EPHA5: variants seen among roughly 807,000 people sequenced by gnomAD.
EPHA5 encodes ephrin type-A receptor 5.
EPHA5 carries 60 observed loss-of-function variants against 105.0 expected under a neutral mutation model. That is an observed-to-expected ratio of 0.57 (90% confidence interval 0.46 to 0.71). EPHA5 has a LOEUF of 0.71. Among genes scored for constraint, EPHA5 ranks in the 30% least tolerant of loss-of-function variants. The probability of loss-of-function intolerance (pLI) is 0.00; values close to 1 mark genes in which losing one functional copy is unlikely to be tolerated. For synonymous variants in EPHA5, 513 were observed against 449.1 expected, an observed-to-expected ratio of 1.14 and a Z score of -1.80; for missense variants, 1,218 against 1,274.7, an observed-to-expected ratio of 0.96 and a Z score of 0.68.
chr4:65,353,885 T>A (rs1367521197), intron 11 of EPHA5, among the ~76,000 whole-genome samples: 1 of 151,774 alleles, frequency 6.6e-6, no homozygotes, highest in Non-Finnish European at 1.5e-5. Flanking sequence ...CTGTTCTAAT[T>A]GTTATGTGAA....
chr4:65,487,554 T>G (rs748089567), intron 5 of EPHA5, among the ~76,000 whole-genome samples: 3 of 152,166 alleles, frequency 2.0e-5, no homozygotes, highest in Non-Finnish European at 4.4e-5. Flanking sequence ...AAGATATTTT[T>G]CAGACACTGC....
At chr4:65,645,174 C>T (rs574532764) in intron 1 of EPHA5, among the ~76,000 whole-genome samples, 1 of 152,186 alleles carries the variant, frequency 6.6e-6, no homozygotes, top group South Asian at 2.1e-4. Flanking sequence ...TTCCTGATTT[C>T]CATGGGAATA....
At chr4:65,573,899 C>G (rs3200362) in intron 3 of EPHA5, 2 of 1,610,780 alleles carry the variant, frequency 1.2e-6, no homozygotes, top group South Asian at 1.1e-5. Context: ...GCATTACCCC[C>G]GGGACCATTC....
intron 3 of EPHA5, among the ~76,000 whole-genome samples, chr4:65,574,743 CATAT>C (rs375040204): frequency 1.2e-5 from 1 of 80,302 alleles, no homozygotes; most frequent in East Asian, 2.6e-4. Flanking sequence ...TATATATATA[CATAT>C]ATATATATAT....
intron 3 of EPHA5, among the ~76,000 whole-genome samples, chr4:65,562,631 G>C (rs563527289): frequency 4.6e-5 from 7 of 151,968 alleles, no homozygotes. Context: ...CAGAGAAGAC[G>C]CATACCAAGA....
intron 5 of EPHA5, among the ~76,000 whole-genome samples, chr4:65,427,269 C>T (rs1309867612): frequency 6.8e-6 from 1 of 147,890 alleles, no homozygotes; most frequent in African/African-American, 2.5e-5. Flanking sequence ...ACTGCAACCT[C>T]TGCCTCCCGG....
intron 5 of EPHA5, among the ~76,000 whole-genome samples, chr4:65,462,031 G>C (rs1728175663): frequency 6.6e-6 from 1 of 152,062 alleles, no homozygotes; most frequent in Admixed American, 6.6e-5. Flanking sequence ...ATAGTAGACA[G>C]ATTGATAGGC....
At chr4:65,415,130 T>C (rs1723269084) in intron 6 of EPHA5, among the ~76,000 whole-genome samples, 1 of 152,186 alleles carries the variant, frequency 6.6e-6, no homozygotes. Context: ...AGGAACTTTT[T>C]ATTTTGATGC....
chr4:65,468,196 A>G (rs1315964340), intron 5 of EPHA5, among the ~76,000 whole-genome samples: 1 of 152,090 alleles, frequency 6.6e-6, no homozygotes, highest in African/African-American at 2.4e-5. Context: ...ATATTTATCA[A>G]GTAAGCCAGC....
intron 2 of EPHA5, among the ~76,000 whole-genome samples, chr4:65,631,358 T>A (rs1746615540): frequency 6.6e-6 from 1 of 152,144 alleles, no homozygotes; most frequent in Non-Finnish European, 1.5e-5. Flanking sequence ...GTAAAACCAT[T>A]CAAGGGTTTA....
intron 16 of EPHA5, among the ~76,000 whole-genome samples, chr4:65,325,440 T>C (rs183173486): frequency 2.9e-4 from 43 of 147,638 alleles, no homozygotes; most frequent in African/African-American, 1.0e-3. Flanking sequence ...CTTATGACAG[T>C]TTTAGGAAAT....
At chr4:65,366,474 C>G (rs1190011782) in intron 9 of EPHA5, among the ~76,000 whole-genome samples, 1 of 151,764 alleles carries the variant, frequency 6.6e-6, no homozygotes, top group Non-Finnish European at 1.5e-5. Flanking sequence ...TTTCAAGTAA[C>G]TTTTCTGGTG....
At chr4:65,654,358 C>A (rs1271040915) in intron 1 of EPHA5, among the ~76,000 whole-genome samples, 1 of 151,838 alleles carries the variant, frequency 6.6e-6, no homozygotes, top group Non-Finnish European at 1.5e-5. Context: ...CAACTTACTG[C>A]CTTAACTTTT....
At chr4:65,604,893 G>A (rs1219768693) in intron 2 of EPHA5, among the ~76,000 whole-genome samples, 1 of 152,072 alleles carries the variant, frequency 6.6e-6, no homozygotes, top group African/African-American at 2.4e-5. Flanking sequence ...CATTTTTGTT[G>A]GATTTTCCAT....
intron 5 of EPHA5, among the ~76,000 whole-genome samples, chr4:65,482,181 C>T (rs753831372): frequency 2.5e-4 from 38 of 151,566 alleles, no homozygotes; most frequent in Non-Finnish European, 8.8e-5. Context: ...GCTTGTAATC[C>T]CACCTACTCA....
chr4:65,517,066 A>C (rs1440107763), intron 3 of EPHA5, among the ~76,000 whole-genome samples: 1 of 152,072 alleles, frequency 6.6e-6, no homozygotes, highest in Admixed American at 6.6e-5. Flanking sequence ...GAAGTGTGTT[A>C]AATTTTTCCT....
intron 2 of EPHA5, among the ~76,000 whole-genome samples, chr4:65,626,686 C>T (rs373452922): frequency 9.9e-5 from 15 of 152,162 alleles, no homozygotes; most frequent in African/African-American, 3.4e-4. Flanking sequence ...TGTATGTGGA[C>T]GATCTACATG....
At position 65,574,381 on chromosome 4, in the gene EPHA5, TAAAAAATA is replaced by T. The variant is rs894543812; in HGVS notation, c.910+27252_910+27259del. 682 of 815,918 alleles carry T rather than the reference TAAAAAATA, an allele frequency of 8.4e-4. 5 individuals are homozygous for T. In the African/African-American group the frequency reaches 0.011, roughly 13 times the overall value. 50.5% of individuals were successfully genotyped at this position (815,918 alleles called of 1,614,324 possible). A position where few individuals can be genotyped will look rare whatever the true frequency, so the allele number is the denominator to read the frequency against. On this transcript the variant is annotated intron_variant, in intron 3 of 16. Transcript: ENST00000613740. ...GACTACAAAAAAAAAATAATAATAA[TAAAAAATA>T]AAAAAATAAAAAAATACTCAAATAA...
chr4:65,419,614 G>A (rs113598206), intron 6 of EPHA5, among the ~76,000 whole-genome samples: 91 of 152,168 alleles, frequency 6.0e-4, no homozygotes, highest in African/African-American at 1.3e-3. Flanking sequence ...TAGAATTCAG[G>A]TTGTCCTAAG....
Sources: gnomAD v4.1 joint callset for allele counts (sites outside exome capture counted in the v4.1 genomes callset) on GRCh38, gnomAD v4.1.1 for gene constraint, MANE v1.5 for transcripts, NCBI Gene and HGNC (gene_info 2026-07-23, HGNC 2026-07-21) for gene names.